The following RALGAPA2 variants were observed in gnomAD, a reference collection of about 807,000 sequenced individuals.
RALGAPA2 encodes the protein Ral GTPase activating protein catalytic subunit alpha 2, also known as ral GTPase-activating protein subunit alpha-2.
In RALGAPA2, 139 loss-of-function variants were observed where a neutral mutation model predicts 230.4. That is an observed-to-expected ratio of 0.60 (90% CI 0.53 to 0.69). The LOEUF (loss-of-function observed/expected upper bound fraction) is 0.69, where lower values mean the gene tolerates loss of function less well. Ranked by LOEUF, RALGAPA2 falls within the 30% of genes least tolerant of loss-of-function variation. The probability of loss-of-function intolerance (pLI) is 0.00; values close to 1 mark genes in which losing one functional copy is unlikely to be tolerated. For missense variants in RALGAPA2, 2,163 were observed against 2,276.0 expected (o/e 0.95, Z 1.01); for synonymous variants, 847 against 837.8 (o/e 1.01, Z -0.19).
In RALGAPA2 at chr20:20,412,154, G is replaced by T. The variant is rs200335496; in HGVS notation, c.5496-6C>A. 122 of 1,613,648 alleles carry T rather than the reference G, an allele frequency of 7.6e-5. 1 individual carries two copies. Among genetic ancestry groups the T allele is most frequent in the Middle Eastern group, 1.6e-4 (1 of 6,072 alleles). On this transcript the variant is annotated splice_polypyrimidine_tract_variant and splice_region_variant and intron_variant, in intron 37 of 39. Coordinates refer to ENST00000202677, the MANE Select transcript of RALGAPA2 (RefSeq NM_020343.4). ...ACAGAGCTCGCTCTTCATAGCTGCG[G>T]TAATCGGTTAAGGAAACAAGTGCAC...
At chr20:20,399,332 A>G (rs922546220) in intron 38 of RALGAPA2, among the ~76,000 whole-genome samples, 10 of 135,728 alleles carry the variant, frequency 7.4e-5, no homozygotes, top group African/African-American at 2.4e-4. Flanking sequence ...CAATAGAGCG[A>G]AACTCCGTCT....
intron 37 of RALGAPA2, among the ~76,000 whole-genome samples, chr20:20,448,499 A>C (rs1285722180): frequency 6.6e-6 from 1 of 152,234 alleles, no homozygotes; most frequent in African/African-American, 2.4e-5. Flanking sequence ...ATCCAGACAG[A>C]ATTTTAGAAC....
At chr20:20,597,912 G>A (rs1466918716) in intron 16 of RALGAPA2, among the ~76,000 whole-genome samples, 2 of 152,078 alleles carry the variant, frequency 1.3e-5, no homozygotes, top group Non-Finnish European at 2.9e-5. Context: ...AAAAGATCAT[G>A]AAAATGATCT....
chr20:20,626,690 C>T (rs1342136122), intron 10 of RALGAPA2, among the ~76,000 whole-genome samples: 3 of 152,234 alleles, frequency 2.0e-5, no homozygotes, highest in African/African-American at 7.2e-5. Context: ...CTAATGTCAT[C>T]TTATCTGATA....
intron 23 of RALGAPA2, among the ~76,000 whole-genome samples, chr20:20,564,588 C>T (rs2064356301): frequency 6.6e-6 from 1 of 152,124 alleles, no homozygotes; most frequent in African/African-American, 2.4e-5. Context: ...AGTGATGTGA[C>T]CCTAATAATA....
At chr20:20,708,962 G>GT (rs1198011876) in intron 1 of RALGAPA2, among the ~76,000 whole-genome samples, 13 of 152,082 alleles carry the variant, frequency 8.5e-5, no homozygotes, top group African/African-American at 2.4e-4. Context: ...TGGGAGGATC[G>GT]TTTGAGTCTG....
rs2145915872 is a variant in RALGAPA2, at chr20:20,571,148, A to G, written c.3156+310T>C. On this transcript the variant is annotated intron_variant, in intron 23 of 39. Coordinates refer to ENST00000202677, the MANE Select transcript of RALGAPA2 (RefSeq NM_020343.4). The stretch of plus-strand genomic sequence containing the variant: ...TCAAACCATATTTAATGCAGAACCC[A>G]AACAAAAAGTGGTTATAATAGTATT... 1.3e-5 allele frequency among the ~76,000 whole-genome samples: 2 copies of G among 152,338 alleles called. 1 individual carries two copies. Among genetic ancestry groups the G allele is most frequent in the Middle Eastern group, 6.8e-3 (2 of 294 alleles).
intron 1 of RALGAPA2, among the ~76,000 whole-genome samples, chr20:20,694,151 A>C (rs1298249011): frequency 2.6e-5 from 4 of 152,154 alleles, no homozygotes; most frequent in African/African-American, 9.7e-5. Flanking sequence ...TTTAAAAAAA[A>C]AAAAGTGAGG....
At position 20,546,784 on chromosome 20, in the gene RALGAPA2, G is replaced by C; in HGVS notation, c.3205C>G (p.Leu1069Val). The C allele has an allele frequency of 6.2e-7, 1 of 1,611,150 alleles. No individual in the cohort carries two copies. The highest frequency in any genetic ancestry group is 8.5e-7 in the Non-Finnish European group (1 of 1,179,022). The change falls in exon 24 of 40, where the codon CTG becomes GTG. Residue 1069 changes from leucine (L) to valine (V), a missense_variant. Physicochemically the swap from Leu to Val is conservative, Grantham distance 32. Transcript: ENST00000202677. ...AGCATTGAGAAGCCAGGAAAACCCAGGGAGAAAAAGCGGGGTGGACAGTGC... is the reference window on the plus strand; with the variant it reads ...AGCATTGAGAAGCCAGGAAAACCCACGGAGAAAAAGCGGGGTGGACAGTGC... ...IRHCPPRFFS[L>V]GFPGFSMLVG...
chr20:20,478,471 G>C (rs528024433), intron 36 of RALGAPA2, among the ~76,000 whole-genome samples: 2 of 151,432 alleles, frequency 1.3e-5, no homozygotes, highest in African/African-American at 4.8e-5. Context: ...AACCAAGATC[G>C]ACAGTTAGTT....
intron 9 of RALGAPA2, 90 bp from the exon 10 acceptor site, chr20:20,629,680 T>G: frequency 7.5e-7 from 1 of 1,332,764 alleles, no homozygotes; most frequent in Non-Finnish European, 1.1e-6. Context: ...TTTAAGTAAC[T>G]CTGGTTACCA....
intron 9 of RALGAPA2, among the ~76,000 whole-genome samples, chr20:20,632,378 T>C (rs12626071): frequency 0.17 from 25,303 of 152,058 alleles, 2,492 homozygotes; most frequent in East Asian, 0.24. Context: ...AAAAGCTAGA[T>C]AGTAAAAGTA....
intron 1 of RALGAPA2, among the ~76,000 whole-genome samples, chr20:20,702,113 A>G (rs2069403869): frequency 6.6e-6 from 1 of 152,190 alleles, no homozygotes; most frequent in Non-Finnish European, 1.5e-5. Flanking sequence ...ATTAATACCA[A>G]ACAAAAGCTA....
chr20:20,640,646 C>T, intron 6 of RALGAPA2, 55 bp downstream of exon 6: 2 of 1,484,842 alleles, frequency 1.3e-6, no homozygotes, highest in Non-Finnish European at 9.2e-7. Flanking sequence ...GTAAGAATTC[C>T]TCAATGTAAG....
intron 38 of RALGAPA2, among the ~76,000 whole-genome samples, chr20:20,403,854 TG>T (rs59504383): frequency 1.3e-5 from 2 of 152,142 alleles, no homozygotes; most frequent in Non-Finnish European, 2.9e-5. Flanking sequence ...ATTAGGGGTA[TG>T]GGGGAGTGGA....
intron 37 of RALGAPA2, among the ~76,000 whole-genome samples, chr20:20,414,465 T>G (rs1449510356): frequency 6.6e-6 from 1 of 152,184 alleles, no homozygotes; most frequent in Non-Finnish European, 1.5e-5. Flanking sequence ...GCTATGTTAA[T>G]CAAGCTCATG....
rs1327421636 is a variant in RALGAPA2 at position 20,526,170 on chromosome 20, T to C, written c.3693+82A>G. 9 of 1,077,282 alleles carry C rather than the reference T, an allele frequency of 8.4e-6. No homozygotes were observed. In the Admixed American group the frequency reaches 2.0e-4, roughly 24 times the overall value. The allele number at this position is 1,077,282 out of a possible 1,614,324, so 66.7% of individuals were successfully genotyped here. A position where few individuals can be genotyped will look rare whatever the true frequency, so the allele number is the denominator to read the frequency against. On this transcript the variant is annotated intron_variant, in intron 28 of 39. Coordinates refer to ENST00000202677, the MANE Select transcript of RALGAPA2 (RefSeq NM_020343.4). ...TAATAGTTGGTTCTCTAACAATTATTTGAATATCTATAATTAATTAAATAT... is the reference window on the plus strand; with the variant it reads ...TAATAGTTGGTTCTCTAACAATTATCTGAATATCTATAATTAATTAAATAT...
intron 37 of RALGAPA2, among the ~76,000 whole-genome samples, chr20:20,445,646 T>C (rs962186786): frequency 2.0e-5 from 3 of 152,224 alleles, no homozygotes; most frequent in Non-Finnish European, 2.9e-5. Flanking sequence ...ATCTATAGCA[T>C]AGCCTCCAAA....
chr20:20,473,680 A>G (rs2061587861), intron 36 of RALGAPA2, among the ~76,000 whole-genome samples: 1 of 151,956 alleles, frequency 6.6e-6, no homozygotes, highest in Non-Finnish European at 1.5e-5. Context: ...TCTTAGCTGA[A>G]CCCATTTCTG....
Sources: gnomAD v4.1 joint callset for allele counts (sites outside exome capture counted in the v4.1 genomes callset) on GRCh38, gnomAD v4.1.1 for gene constraint, MANE v1.5 for transcripts, NCBI Gene and HGNC (gene_info 2026-07-23, HGNC 2026-07-21) for gene names.